The following ALMS1 variants were observed in gnomAD, a reference collection of about 807,000 sequenced individuals.
ALMS1 encodes the protein centrosome-associated protein ALMS1.
Under a neutral mutation model 352.2 loss-of-function variants are expected in ALMS1, and 271 were observed. The ratio of observed to expected loss-of-function variants is 0.77; its 90% CI spans 0.70 to 0.85. The LOEUF is 0.85. ALMS1 is among the 40% of genes least tolerant of loss of function. The pLI is 0.00. For missense variants in ALMS1, 5,445 were observed against 4,870.7 expected, an observed-to-expected ratio of 1.12 and a Z score of -3.51; for synonymous variants, 1,865 against 1,761.2, an observed-to-expected ratio of 1.06 and a Z score of -1.48.
chr2:73,479,204 T>G (rs971851369), intron 9 of ALMS1, among the ~76,000 whole-genome samples: 1 of 152,222 alleles, frequency 6.6e-6, no homozygotes, highest in Non-Finnish European at 1.5e-5. Flanking sequence ...ATAAATAATA[T>G]AGAGATATCA....
chr2:73,502,288 C>G (rs1458151304), intron 10 of ALMS1, among the ~76,000 whole-genome samples: 7 of 151,980 alleles, frequency 4.6e-5, no homozygotes. Flanking sequence ...TCAAGAGTTT[C>G]TTCTTTAAAT....
At chr2:73,498,219 T>A (rs1228137310) in intron 10 of ALMS1, among the ~76,000 whole-genome samples, 2 of 152,142 alleles carry the variant, frequency 1.3e-5, no homozygotes, top group Admixed American at 1.3e-4. Flanking sequence ...CTAACTGCTC[T>A]GGGTGGTGAT....
At chr2:73,509,068 T>A (rs2103938844) in intron 10 of ALMS1, among the ~76,000 whole-genome samples, 1 of 152,254 alleles carries the variant, frequency 6.6e-6, no homozygotes. Context: ...GTTGTTTTGT[T>A]GTTGTTGTTA....
intron 1 of ALMS1, among the ~76,000 whole-genome samples, chr2:73,394,663 C>G (rs897393700): frequency 6.6e-6 from 1 of 152,044 alleles, no homozygotes; most frequent in African/African-American, 2.4e-5. Flanking sequence ...TCATCTGGTT[C>G]ATGAACATGG....
chr2:73,570,248 G>GAT (rs1674896266), intron 15 of ALMS1, among the ~76,000 whole-genome samples: 1 of 152,072 alleles, frequency 6.6e-6, no homozygotes. Context: ...CATCCAAGTG[G>GAT]ATATATCATG....
At chr2:73,609,061 C>G (rs1675884420) in intron 22 of ALMS1, among the ~76,000 whole-genome samples, 1 of 152,272 alleles carries the variant, frequency 6.6e-6, no homozygotes, top group Admixed American at 6.5e-5. Context: ...GCTGCAAGTC[C>G]AAGAACCTCA....
intron 16 of ALMS1, among the ~76,000 whole-genome samples, chr2:73,588,924 G>A (rs1364725067): frequency 2.0e-5 from 3 of 151,954 alleles, no homozygotes; most frequent in African/African-American, 7.2e-5. Flanking sequence ...GAAATCCAAA[G>A]CGTAAATTTT....
At chr2:73,529,753 A>G (rs1248925379) in intron 11 of ALMS1, among the ~76,000 whole-genome samples, 1 of 152,184 alleles carries the variant, frequency 6.6e-6, no homozygotes, top group Non-Finnish European at 1.5e-5. Context: ...TGGTTAATTT[A>G]TAAAGAAAGG....
intron 16 of ALMS1, among the ~76,000 whole-genome samples, chr2:73,585,506 G>A (rs989175454): frequency 6.7e-6 from 1 of 149,202 alleles, no homozygotes; most frequent in African/African-American, 2.5e-5. Flanking sequence ...AGATTCTTCT[G>A]CCTCAGCCTC....
intron 9 of ALMS1, among the ~76,000 whole-genome samples, chr2:73,468,184 A>G (rs910248543): frequency 1.9e-4 from 29 of 152,012 alleles, no homozygotes; most frequent in Admixed American, 8.5e-4. Context: ...AAAACTTTAT[A>G]AAAAGCATCA....
At chr2:73,578,994 A>G (rs574336018) in intron 16 of ALMS1, among the ~76,000 whole-genome samples, 2 of 149,226 alleles carry the variant, frequency 1.3e-5, no homozygotes, top group Non-Finnish European at 3.0e-5. Flanking sequence ...ATCATTCCTT[A>G]TAGGGAAGGT....
At chr2:73,437,750 G>A (rs996951441) in intron 7 of ALMS1, among the ~76,000 whole-genome samples, 2 of 152,054 alleles carry the variant, frequency 1.3e-5, no homozygotes, top group Non-Finnish European at 2.9e-5. Context: ...CTTGACATCT[G>A]AAACTGCGAG....
intron 1 of ALMS1, among the ~76,000 whole-genome samples, chr2:73,393,853 G>A (rs552946101): frequency 4.9e-5 from 6 of 121,336 alleles, no homozygotes; most frequent in Admixed American, 9.2e-5. Flanking sequence ...GTGTCTCTTT[G>A]TTGCCCAGGC....
At chr2:73,398,292 C>A (rs960118554) in intron 1 of ALMS1, among the ~76,000 whole-genome samples, 3 of 152,096 alleles carry the variant, frequency 2.0e-5, no homozygotes, top group Non-Finnish European at 4.4e-5. Context: ...CAATTGAATA[C>A]ATTTATATGG....
chr2:73,584,196 A>G (rs1422334277), intron 16 of ALMS1, among the ~76,000 whole-genome samples: 1 of 152,118 alleles, frequency 6.6e-6, no homozygotes, highest in African/African-American at 2.4e-5. Context: ...CCTATCCCCC[A>G]CATAATTTTC....
At chr2:73,488,558 C>T (rs549081382) in intron 9 of ALMS1, among the ~76,000 whole-genome samples, 16 of 152,284 alleles carry the variant, frequency 1.1e-4, no homozygotes, top group Non-Finnish European at 2.4e-4. Flanking sequence ...CCCTCCAACT[C>T]AGAAGGGAGT....
At chr2:73,488,734 A>G (rs879105749) in intron 9 of ALMS1, among the ~76,000 whole-genome samples, 4 of 152,232 alleles carry the variant, frequency 2.6e-5, no homozygotes, top group Non-Finnish European at 4.4e-5. Flanking sequence ...GCATAATTTA[A>G]AATATTTTTA....
chr2:73,531,436 C>G lies in ALMS1; in HGVS notation c.9782-3388C>G, dbSNP rs1237883884. 3.9e-5 allele frequency among the ~76,000 whole-genome samples: 6 copies of G among 152,204 alleles called. No individual in the cohort carries two copies. In the East Asian group the frequency reaches 1.2e-3, roughly 29 times the overall value. On this transcript the variant is annotated intron_variant, in intron 11 of 22. Coordinates refer to ENST00000613296, the MANE Select transcript of ALMS1 (RefSeq NM_001378454.1). ...CAGTTCCCAACAAGTTTCTCATCTC[C>G]ATCTGAGACTACCTCAACCTGGACT...
At chr2:73,527,261 G>A (rs1297413884) in intron 11 of ALMS1, among the ~76,000 whole-genome samples, 1 of 148,884 alleles carries the variant, frequency 6.7e-6, no homozygotes, top group Non-Finnish European at 1.5e-5. Context: ...TTTTTTGGAT[G>A]TGTCTTTGGT....
Sources: allele counts gnomAD v4.1 joint callset (sites outside exome capture counted in the v4.1 genomes callset), GRCh38; gene constraint gnomAD v4.1.1; transcripts MANE v1.5; gene names NCBI Gene and HGNC (gene_info 2026-07-23, HGNC 2026-07-21).